Variants in ANK3 observed in about 807,000 individuals in gnomAD.
The protein encoded by ANK3 is ankyrin 3.
ANK3 carries 57 observed loss-of-function variants against 370.9 expected under a neutral mutation model. The ratio of observed to expected loss-of-function variants is 0.15; its 90% CI spans 0.12 to 0.19. The LOEUF (loss-of-function observed/expected upper bound fraction) is 0.19. Among genes scored for constraint, ANK3 ranks in the 10% least tolerant of loss-of-function variants. The pLI is 1.00. For missense variants in ANK3, 4,439 were observed against 5,302.1 expected, an observed-to-expected ratio of 0.84 and a Z score of 5.06; for synonymous variants, 1,929 against 1,946.3, an observed-to-expected ratio of 0.99 and a Z score of 0.23.
intron 2 of ANK3, among the ~76,000 whole-genome samples, chr10:60,438,464 G>C (rs1032869302): frequency 7.9e-5 from 12 of 152,062 alleles, no homozygotes; most frequent in African/African-American, 2.9e-4. Context: ...ACCTAACCTA[G>C]TTCCCACATC....
At chr10:60,732,262 AT>A (rs1475719871) in intron 1 of ANK3, among the ~76,000 whole-genome samples, 1 of 152,112 alleles carries the variant, frequency 6.6e-6, no homozygotes, top group African/African-American at 2.4e-5. Context: ...TGTCTCCCCA[AT>A]CCCCCTTCCC....
At chr10:60,668,516 G>T (rs918649466) in intron 1 of ANK3, among the ~76,000 whole-genome samples, 3 of 146,714 alleles carry the variant, frequency 2.0e-5, no homozygotes, top group Non-Finnish European at 4.4e-5. Flanking sequence ...GGCTTTTCTT[G>T]CTACCAGGTG....
intron 2 of ANK3, among the ~76,000 whole-genome samples, chr10:60,460,772 T>A (rs2064864111): frequency 6.6e-6 from 1 of 152,098 alleles, no homozygotes. Context: ...CACTAACAAC[T>A]CAATGCAGAC....
intron 2 of ANK3, among the ~76,000 whole-genome samples, chr10:60,599,674 T>A (rs1023462854): frequency 6.6e-6 from 1 of 152,204 alleles, no homozygotes; most frequent in African/African-American, 2.4e-5. Flanking sequence ...TCCTAACTGG[T>A]GTTCTTGCTT....
At chr10:60,558,656 T>C (rs1227256301) in intron 2 of ANK3, among the ~76,000 whole-genome samples, 1 of 152,164 alleles carries the variant, frequency 6.6e-6, no homozygotes, top group Non-Finnish European at 1.5e-5. Context: ...ATAATCCAAA[T>C]CCTATCTAAC....
intron 1 of ANK3, among the ~76,000 whole-genome samples, chr10:60,321,329 A>C (rs2048594775): frequency 1.3e-5 from 2 of 152,064 alleles, no homozygotes; most frequent in Admixed American, 1.3e-4. Flanking sequence ...TCAAGGCTAC[A>C]CAGAGACATG....
At chr10:60,601,859 T>C (rs373237785) in intron 2 of ANK3, among the ~76,000 whole-genome samples, 2 of 152,192 alleles carry the variant, frequency 1.3e-5, no homozygotes, top group African/African-American at 4.8e-5. Flanking sequence ...GTTGAAATTA[T>C]TCTGAAAGAC....
chr10:60,606,532 A>C (rs1471336565), intron 2 of ANK3, among the ~76,000 whole-genome samples: 1 of 152,206 alleles, frequency 6.6e-6, no homozygotes, highest in Non-Finnish European at 1.5e-5. Flanking sequence ...AGTTTTAGAC[A>C]CTGGGGAGTA....
chr10:60,285,151 T>G (rs985235731), intron 1 of ANK3, among the ~76,000 whole-genome samples: 4 of 152,080 alleles, frequency 2.6e-5, no homozygotes, highest in African/African-American at 9.7e-5. Flanking sequence ...TTTGGTAAGT[T>G]TTTAAAAATA....
chr10:60,491,165 CTATT>C (rs2075491624), intron 2 of ANK3, among the ~76,000 whole-genome samples: 1 of 152,062 alleles, frequency 6.6e-6, no homozygotes, highest in Non-Finnish European at 1.5e-5. Flanking sequence ...ATATAGCACA[CTATT>C]CATCTATTGG....
chr10:60,693,410 G>T (rs944186962), intron 1 of ANK3, among the ~76,000 whole-genome samples: 3 of 152,228 alleles, frequency 2.0e-5, no homozygotes, highest in African/African-American at 4.8e-5. Flanking sequence ...AGCTCAAGGA[G>T]GCCTGCCTGC....
At chr10:60,349,586 TAAAG>T (rs1444356984) in intron 1 of ANK3, among the ~76,000 whole-genome samples, 3 of 152,230 alleles carry the variant, frequency 2.0e-5, no homozygotes, top group Middle Eastern at 3.4e-3. Flanking sequence ...TTGCTCCTCA[TAAAG>T]AGAGACTCAA....
intron 23 of ANK3, among the ~76,000 whole-genome samples, chr10:60,152,600 TGC>T (rs2095180902): frequency 6.6e-6 from 1 of 152,216 alleles, no homozygotes; most frequent in South Asian, 2.1e-4. Context: ...TATAAAGCCT[TGC>T]GTGGGTTTTA....
chr10:60,376,073 G>A (rs1297033332), intron 1 of ANK3, among the ~76,000 whole-genome samples: 1 of 152,094 alleles, frequency 6.6e-6, no homozygotes, highest in Non-Finnish European at 1.5e-5. Flanking sequence ...TTAAGTAACC[G>A]ACTTCACACT....
chr10:60,477,552 CA>C (rs2133094643), intron 2 of ANK3, among the ~76,000 whole-genome samples: 1 of 149,446 alleles, frequency 6.7e-6, no homozygotes, highest in South Asian at 2.1e-4. Flanking sequence ...CACACACACA[CA>C]CACACACCAG....
At chr10:60,533,417 C>T (rs1477921853) in intron 2 of ANK3, among the ~76,000 whole-genome samples, 3 of 152,230 alleles carry the variant, frequency 2.0e-5, no homozygotes, top group Non-Finnish European at 4.4e-5. Context: ...CCAGGCTCTC[C>T]AATCTTCTAA....
At chr10:60,244,838 G>T (rs1592362443) in intron 7 of ANK3, among the ~76,000 whole-genome samples, 1 of 152,162 alleles carries the variant, frequency 6.6e-6, no homozygotes, top group South Asian at 2.1e-4. Flanking sequence ...CACATAAAAG[G>T]TAATCAATAA....
At chr10:60,551,260 AC>A (rs1464163933) in intron 2 of ANK3, among the ~76,000 whole-genome samples, 20 of 152,164 alleles carry the variant, frequency 1.3e-4, no homozygotes, top group African/African-American at 4.6e-4. Flanking sequence ...AGATCAAAGA[AC>A]AACTGTTTTA....
At chr10:60,431,351 C>G (rs1378336441) in intron 2 of ANK3, among the ~76,000 whole-genome samples, 1 of 152,138 alleles carries the variant, frequency 6.6e-6, no homozygotes, top group Non-Finnish European at 1.5e-5. Flanking sequence ...TCCTCTGAGA[C>G]TCTAATGCCG....
Sources: allele counts gnomAD v4.1 joint callset (sites outside exome capture counted in the v4.1 genomes callset), GRCh38; gene constraint gnomAD v4.1.1; transcripts MANE v1.5; gene names NCBI Gene and HGNC (gene_info 2026-07-23, HGNC 2026-07-21).